CDH18: variants seen among roughly 807,000 people sequenced by gnomAD.
CDH18 encodes cadherin 18, also known as cadherin-18.
CDH18 carries 31 observed loss-of-function variants against 67.9 expected under a neutral mutation model. The ratio of observed to expected loss-of-function variants is 0.46; its 90% CI spans 0.34 to 0.62. CDH18 has a LOEUF of 0.62. CDH18 is among the 20% of genes least tolerant of loss of function. The pLI is 0.01. For missense variants in CDH18, 890 were observed against 975.5 expected (o/e 0.91, Z 1.17); for synonymous variants, 362 against 347.2 (o/e 1.04, Z -0.48).
chr5:20,280,893 C>T (rs1272402553), intron 1 of CDH18, among the ~76,000 whole-genome samples: 4 of 152,116 alleles, frequency 2.6e-5, no homozygotes, highest in South Asian at 2.1e-4. Context: ...TTTAAATGAT[C>T]GCCATTCAAA....
intron 3 of CDH18, 151 bp from the exon 4 acceptor site, chr5:19,747,387 C>T: frequency 5.2e-6 from 3 of 579,982 alleles, no homozygotes; most frequent in Admixed American, 3.6e-5. Flanking sequence ...TGCTTTTCTG[C>T]AGTTTTTTTT....
intron 5 of CDH18, among the ~76,000 whole-genome samples, chr5:19,630,360 T>A (rs1752249568): frequency 6.6e-6 from 1 of 152,234 alleles, no homozygotes; most frequent in Non-Finnish European, 1.5e-5. Context: ...ATCTATATCC[T>A]ATGTGAACTA....
At chr5:20,191,366 A>G (rs528524106) in intron 2 of CDH18, among the ~76,000 whole-genome samples, 21 of 152,140 alleles carry the variant, frequency 1.4e-4, no homozygotes, top group African/African-American at 4.8e-4. Flanking sequence ...TGCCGATAAA[A>G]TGAATTTTTA....
In CDH18 at chr5:19,962,265, GA is replaced by G. The variant is rs562442428; in HGVS notation, c.-257+18794del. Among the ~76,000 whole-genome samples, 41 of 146,690 alleles carry G rather than the reference GA, an allele frequency of 2.8e-4. No individual in the cohort carries two copies. In the East Asian group the frequency reaches 8.5e-3, roughly 30 times the overall value. ...TATCAAATTTTGGGTTTTAAAGATG[GA>G]AAAATATATTTGCTAATCAGATTTA... On this transcript the variant is annotated intron_variant, in intron 2 of 12. Transcript: ENST00000382275.
chr5:20,270,989 T>C (rs1424039601), intron 1 of CDH18, among the ~76,000 whole-genome samples: 1 of 151,836 alleles, frequency 6.6e-6, no homozygotes, highest in Admixed American at 6.6e-5. Context: ...TCTGAGGGCA[T>C]AGGGTGGGAC....
intron 1 of CDH18, among the ~76,000 whole-genome samples, chr5:20,458,648 C>A (rs1047955735): frequency 4.6e-5 from 7 of 151,974 alleles, no homozygotes; most frequent in Non-Finnish European, 8.8e-5. Flanking sequence ...ACAAAAAACC[C>A]ATATGTATTC....
intron 2 of CDH18, among the ~76,000 whole-genome samples, chr5:19,867,583 AT>A (rs1785699762): frequency 8.7e-6 from 1 of 115,524 alleles, no homozygotes; most frequent in Non-Finnish European, 1.9e-5. Flanking sequence ...TGAATGACAT[AT>A]TGCTTGATTG....
At chr5:19,733,081 G>A (rs13153977) in intron 4 of CDH18, among the ~76,000 whole-genome samples, 85,881 of 151,914 alleles carry the variant, frequency 0.57, 27,504 homozygotes, top group East Asian at 0.75. Flanking sequence ...CTCTTCAGAG[G>A]AGGAAATGAC....
chr5:20,108,331 A>G (rs891985043), intron 2 of CDH18, among the ~76,000 whole-genome samples: 4 of 152,004 alleles, frequency 2.6e-5, no homozygotes, highest in African/African-American at 9.7e-5. Flanking sequence ...AGCTCAGACA[A>G]TCCACCAACC....
rs1444610629 is a variant in CDH18, at chr5:20,068,581, T to C, written c.-517-76567A>G. ...TCTGAGAAATGATACTTGGTTGTTA[T>C]CTCTACAAGTTTTATAACTTTATGT... On this transcript the variant is annotated intron_variant, in intron 2 of 14. Coordinates refer to the CDH18 transcript ENST00000507958. Among the ~76,000 whole-genome samples the C allele has an allele frequency of 5.3e-5, 8 of 152,104 alleles. No homozygotes were observed. In the East Asian group the frequency reaches 1.5e-3, roughly 29 times the overall value.
chr5:19,858,043 G>T lies in CDH18; in HGVS notation c.-256-18801C>A, dbSNP rs115031078. On this transcript the variant is annotated intron_variant, in intron 2 of 12. Transcript: ENST00000382275. ...TCTGCAGCAAGTTCACATTATCACT[G>T]CAGAATTCTCCTGGCTTATTCATTG... is the stretch of plus-strand genomic sequence containing the variant. Among the ~76,000 whole-genome samples the T allele has an allele frequency of 5.4e-3, 826 of 152,210 alleles. 11 individuals are homozygous for T. Among genetic ancestry groups the T allele is most frequent in the African/African-American group, 0.019 (788 of 41,524 alleles).
chr5:20,037,328 A>C (rs1739965083), intron 2 of CDH18, among the ~76,000 whole-genome samples: 2 of 152,184 alleles, frequency 1.3e-5, no homozygotes, highest in Middle Eastern at 3.4e-3. Context: ...AAAATCTCTT[A>C]GTATTTGCCA....
chr5:19,957,288 A>G (rs1172123748), intron 2 of CDH18, among the ~76,000 whole-genome samples: 2 of 151,520 alleles, frequency 1.3e-5, no homozygotes, highest in African/African-American at 4.8e-5. Context: ...ATAAACACAC[A>G]AACATGCATA....
intron 6 of CDH18, among the ~76,000 whole-genome samples, chr5:19,603,953 C>G (rs1747597116): frequency 6.6e-6 from 1 of 151,774 alleles, no homozygotes; most frequent in African/African-American, 2.4e-5. Flanking sequence ...TAATTTTTCA[C>G]AGCTTAGGAA....
chr5:19,687,578 C>A (rs754457566), intron 5 of CDH18, among the ~76,000 whole-genome samples: 1 of 152,182 alleles, frequency 6.6e-6, no homozygotes, highest in Non-Finnish European at 1.5e-5. Flanking sequence ...AACCCTCCTG[C>A]CTGGGACTGC....
chr5:19,557,934 T>C (rs756465542), intron 8 of CDH18, among the ~76,000 whole-genome samples: 13 of 152,060 alleles, frequency 8.5e-5, no homozygotes, highest in Non-Finnish European at 1.3e-4. Context: ...ATCAAAATTA[T>C]ATCAAGTACT....
chr5:19,613,463 G>T (rs1235702848), intron 5 of CDH18, among the ~76,000 whole-genome samples: 1 of 152,040 alleles, frequency 6.6e-6, no homozygotes, highest in African/African-American at 2.4e-5. Flanking sequence ...ACTTTAAGGA[G>T]AACTAGATCT....
intron 3 of CDH18, among the ~76,000 whole-genome samples, chr5:19,749,087 T>TCTTAGTATA (rs539604133): frequency 8.0e-4 from 122 of 152,170 alleles, no homozygotes; most frequent in African/African-American, 2.9e-3. Flanking sequence ...TATTTATGTC[T>TCTTAGTATA]CTTAGTATAT....
chr5:19,660,681 T>C (rs187312977), intron 5 of CDH18, among the ~76,000 whole-genome samples: 1 of 152,158 alleles, frequency 6.6e-6, no homozygotes, highest in Admixed American at 6.6e-5. Flanking sequence ...GGGAAAATTA[T>C]CAAGTTTAGT....
Sources: gnomAD v4.1 joint callset for allele counts (sites outside exome capture counted in the v4.1 genomes callset) on GRCh38, gnomAD v4.1.1 for gene constraint, MANE v1.5 for transcripts, NCBI Gene and HGNC (gene_info 2026-07-23, HGNC 2026-07-21) for gene names.